The following CNTLN variants were observed in gnomAD, a reference collection of about 807,000 sequenced individuals.
The protein encoded by CNTLN is centlein, also known as centlein, centrosomal protein.
CNTLN carries 212 observed loss-of-function variants against 180.0 expected under a neutral mutation model. The observed-to-expected ratio is 1.18, with a 90% CI of 1.05 to 1.32. The LOEUF is 1.32. CNTLN is among the 40% of genes most tolerant of loss of function. The pLI is 0.00. For missense variants in CNTLN, 2,095 were observed against 1,610.9 expected, an observed-to-expected ratio of 1.30 and a Z score of -5.14; for synonymous variants, 722 against 563.1, an observed-to-expected ratio of 1.28 and a Z score of -3.99.
chr9:17,206,446 G>A (rs963847236), intron 2 of CNTLN, among the ~76,000 whole-genome samples: 4 of 152,180 alleles, frequency 2.6e-5, no homozygotes, highest in Non-Finnish European at 4.4e-5. Flanking sequence ...GGAGGGGTTT[G>A]TGCCTTACTG....
intron 5 of CNTLN, among the ~76,000 whole-genome samples, chr9:17,271,044 G>A (rs1012408516): frequency 6.8e-6 from 1 of 146,224 alleles, no homozygotes; most frequent in African/African-American, 2.6e-5. Flanking sequence ...TCAGCCTTCC[G>A]GGTTCACACC....
intron 2 of CNTLN, among the ~76,000 whole-genome samples, chr9:17,216,627 C>T (rs984014797): frequency 1.3e-5 from 2 of 152,026 alleles, no homozygotes; most frequent in East Asian, 1.9e-4. Flanking sequence ...TATTTTATTT[C>T]AATTTTTAGA....
intron 15 of CNTLN, among the ~76,000 whole-genome samples, chr9:17,397,725 A>G (rs1826648351): frequency 6.6e-6 from 1 of 152,104 alleles, no homozygotes; most frequent in African/African-American, 2.4e-5. Context: ...CTCTGTTTCA[A>G]ACACCTCTGA....
intron 12 of CNTLN, among the ~76,000 whole-genome samples, chr9:17,343,197 G>C (rs1468345226): frequency 6.6e-6 from 1 of 152,176 alleles, no homozygotes; most frequent in Admixed American, 6.5e-5. Flanking sequence ...GCCTGGCAAA[G>C]AAAGAACATT....
At chr9:17,353,125 T>C (rs1010187030) in intron 12 of CNTLN, among the ~76,000 whole-genome samples, 2 of 152,096 alleles carry the variant, frequency 1.3e-5, no homozygotes, top group African/African-American at 4.8e-5. Flanking sequence ...GTTTTTTATT[T>C]TTCTATTTTT....
chr9:17,328,333 A>G (rs1820437575), intron 8 of CNTLN, among the ~76,000 whole-genome samples: 1 of 152,178 alleles, frequency 6.6e-6, no homozygotes, highest in African/African-American at 2.4e-5. Context: ...ACTGGGTCCA[A>G]CCAACATTTG....
chr9:17,327,213 C>T (rs1266978965), intron 8 of CNTLN, among the ~76,000 whole-genome samples: 9 of 117,750 alleles, frequency 7.6e-5, no homozygotes, highest in Admixed American at 2.0e-4. Context: ...AGTAGTTAAC[C>T]TTTTTTTTTT....
chr9:17,266,421 G>T (rs928504045), intron 5 of CNTLN, among the ~76,000 whole-genome samples: 10 of 152,102 alleles, frequency 6.6e-5, no homozygotes, highest in Non-Finnish European at 1.3e-4. Context: ...TATAATTTCT[G>T]TTCTTTTACA....
At chr9:17,268,521 C>G (rs1455241922) in intron 5 of CNTLN, among the ~76,000 whole-genome samples, 2 of 152,184 alleles carry the variant, frequency 1.3e-5, no homozygotes, top group Non-Finnish European at 2.9e-5. Flanking sequence ...TGCCCGTTCT[C>G]AGATCTCTAG....
At chr9:17,410,033 A>C (rs928453045) in intron 16 of CNTLN, among the ~76,000 whole-genome samples, 1 of 152,124 alleles carries the variant, frequency 6.6e-6, no homozygotes, top group Non-Finnish European at 1.5e-5. Context: ...TTAACCTATA[A>C]GATTCTTTTA....
At chr9:17,151,427 C>T (rs891336416) in intron 2 of CNTLN, among the ~76,000 whole-genome samples, 10 of 151,984 alleles carry the variant, frequency 6.6e-5, no homozygotes, top group Non-Finnish European at 1.0e-4. Context: ...GTCATTGGTT[C>T]TGTTTATGTG....
chr9:17,440,028 G>T (rs974425910), intron 18 of CNTLN, among the ~76,000 whole-genome samples: 2 of 152,184 alleles, frequency 1.3e-5, no homozygotes, highest in Non-Finnish European at 2.9e-5. Context: ...TAAGGGCAAA[G>T]TTGATACTGT....
chr9:17,424,171 A>G (rs975241641), intron 18 of CNTLN, among the ~76,000 whole-genome samples: 11 of 152,156 alleles, frequency 7.2e-5, no homozygotes, highest in African/African-American at 2.7e-4. Context: ...TTTTCTTAAA[A>G]TTTGTTTCTG....
At chr9:17,439,333 A>C (rs1402261032) in intron 18 of CNTLN, among the ~76,000 whole-genome samples, 1 of 152,240 alleles carries the variant, frequency 6.6e-6, no homozygotes, top group Non-Finnish European at 1.5e-5. Flanking sequence ...AACATTCCAT[A>C]AATTTCAAAG....
chr9:17,298,778 G>A, intron 7 of CNTLN: 1 of 987,462 alleles, frequency 1.0e-6, no homozygotes, highest in Non-Finnish European at 1.2e-6. Flanking sequence ...GGATTGCTGA[G>A]GAGGGCTTTA....
At chr9:17,476,874 T>C (rs1490924522) in intron 23 of CNTLN, among the ~76,000 whole-genome samples, 2 of 152,224 alleles carry the variant, frequency 1.3e-5, no homozygotes, top group African/African-American at 4.8e-5. Flanking sequence ...CTACATATTT[T>C]CTATGTAGAC....
chr9:17,461,443 C>G (rs1454405934), intron 19 of CNTLN, among the ~76,000 whole-genome samples: 1 of 151,636 alleles, frequency 6.6e-6, no homozygotes, highest in African/African-American at 2.4e-5. Context: ...TTGATCAAAA[C>G]ATAACATTCA....
intron 19 of CNTLN, 69 bp from the exon 20 acceptor site, chr9:17,462,847 A>G (rs1054459052): frequency 1.7e-6 from 1 of 592,900 alleles, no homozygotes; most frequent in Non-Finnish European, 2.8e-6. Flanking sequence ...TTAGAATGGC[A>G]CTTATTTTTA....
At chr9:17,523,988 C>T in the CNTLN span, among the ~76,000 whole-genome samples, 2 of 152,144 alleles carry the variant, frequency 1.3e-5, no homozygotes, top group East Asian at 1.9e-4. Context: ...CTCTTAGAAA[C>T]GTCCCTTTAC....
Sources: allele counts gnomAD v4.1 joint callset (sites outside exome capture counted in the v4.1 genomes callset), GRCh38; gene constraint gnomAD v4.1.1; transcripts MANE v1.5; gene names NCBI Gene and HGNC (gene_info 2026-07-23, HGNC 2026-07-21).